The following RAPGEFL1 variants were observed in gnomAD, a reference collection of about 807,000 sequenced individuals.
The protein encoded by RAPGEFL1 is rap guanine nucleotide exchange factor-like 1.
Under a neutral mutation model 64.4 loss-of-function variants are expected in RAPGEFL1, and 31 were observed. That is an observed-to-expected ratio of 0.48 (90% confidence interval 0.36 to 0.65). The LOEUF (loss-of-function observed/expected upper bound fraction) is 0.65. Among genes scored for constraint, RAPGEFL1 ranks in the 30% least tolerant of loss-of-function variants. The pLI is 0.00. For synonymous variants in RAPGEFL1, 331 were observed against 274.1 expected (o/e 1.21, Z -2.05); for missense variants, 682 against 677.4 (o/e 1.01, Z -0.08).
chr17:40,181,591 C>T (rs779096234), intron 1 of RAPGEFL1, 25 bp from the exon 2 acceptor site: 124 of 702,370 alleles, frequency 1.8e-4, no homozygotes, highest in Non-Finnish European at 2.5e-4. Flanking sequence ...CACCTGACAT[C>T]TGTGGTGCCC....
Position 40,178,204 on chromosome 17 carries a change from G to A in RAPGEFL1, c.343G>A (p.Gly115Arg), listed in dbSNP as rs771089760. ...GGAGGTGCCGGGGCCCGGGCCTCTC[G>A]GGGGAGGGGGGCCCCTGCGCTCCCC... ...LEEVPGPGPLGGGGPLRSPSS... is the reference protein window; with the variant it reads ...LEEVPGPGPLRGGGPLRSPSS... The change falls in exon 1 of 15, where the codon GGG (glycine) becomes AGG (arginine). Residue 115 changes from glycine (G) to arginine (R), a missense_variant. Physicochemically the swap from Gly to Arg is moderately radical, Grantham distance 125. Coordinates refer to ENST00000620260, the MANE Select transcript of RAPGEFL1 (RefSeq NM_016339.6). 117 of 560,718 alleles carry A rather than the reference G, an allele frequency of 2.1e-4. 3 individuals carry two copies. The highest frequency in any genetic ancestry group is 1.2e-3 in the South Asian group (63 of 50,488). 34.7% of individuals were successfully genotyped at this position (560,718 alleles called of 1,614,324 possible).
rs1171067200 is a variant in RAPGEFL1 at position 40,193,375 on chromosome 17, G to A, written c.1822G>A (p.Glu608Lys). The change falls in exon 14 of 15, where the codon GAA becomes AAA. Residue 608 changes from glutamate to lysine, a missense_variant. This residue lies in a region of RAPGEFL1 where 411 missense variants were observed against 519.4 expected (regional missense o/e 0.79). Coordinates refer to ENST00000620260, the MANE Select transcript of RAPGEFL1 (RefSeq NM_016339.6). ...TGTCATCTCCCAGCATTCAGTGGCC[G>A]AAAAAGTGAGGACAATCCGCAAATA... ...VNIEKLHSVAEKVRTIRKYRS... is the reference protein window; with the variant it reads ...VNIEKLHSVAKKVRTIRKYRS... The A allele has an allele frequency of 6.2e-6, 10 of 1,614,034 alleles. No individual in the cohort carries two copies. Among genetic ancestry groups the A allele is most frequent in the Admixed American group, 1.7e-5 (1 of 60,002 alleles).
intron 4 of RAPGEFL1, 59 bp downstream of exon 4, chr17:40,184,737 ACAGGG>A: frequency 9.5e-7 from 1 of 1,052,418 alleles, no homozygotes; most frequent in African/African-American, 1.6e-5. Flanking sequence ...TTCCTCTACT[ACAGGG>A]GCTGCCTCTG....
chr17:40,179,573 G>T (rs1000245370), intron 1 of RAPGEFL1, among the ~76,000 whole-genome samples: 1 of 151,162 alleles, frequency 6.6e-6, no homozygotes, highest in African/African-American at 2.4e-5. Context: ...TTCCCTAAAT[G>T]ATGATACTAT....
intron 2 of RAPGEFL1, among the ~76,000 whole-genome samples, chr17:40,183,447 TTCTC>T (rs140243936): frequency 0.066 from 10,089 of 152,040 alleles, 741 homozygotes; most frequent in African/African-American, 0.18. Flanking sequence ...CGAAACTCCT[TTCTC>T]TCTGGCCCCA....
At position 40,192,918 on chromosome 17, in the gene RAPGEFL1, T is replaced by C. The variant is rs1990327817; in HGVS notation, c.1745-8T>C. ...TTCCTCACATTGGATTCTCTCCACA[T>C]CCCCTAGACCTGACTTTCCTGCACG... is the stretch of plus-strand genomic sequence containing the variant. On this transcript the variant is annotated splice_polypyrimidine_tract_variant and splice_region_variant and intron_variant, in intron 12 of 14. Coordinates refer to ENST00000620260, the MANE Select transcript of RAPGEFL1 (RefSeq NM_016339.6). 4.3e-6 allele frequency: 7 copies of C among 1,609,484 alleles called. No individual in the cohort carries two copies. The highest frequency in any genetic ancestry group is 4.0e-5 in the African/African-American group (3 of 74,866).
intron 1 of RAPGEFL1, among the ~76,000 whole-genome samples, chr17:40,178,583 C>T (rs1456606864): frequency 6.6e-6 from 1 of 152,214 alleles, no homozygotes; most frequent in Non-Finnish European, 1.5e-5. Context: ...CTACAGCAGC[C>T]TCACCCTCGT....
Position 40,178,136 on chromosome 17 carries a change from C to A in RAPGEFL1, c.275C>A (p.Ala92Glu). ...GAAGGAGGAGAGCCGGCGGGGGTCG[C>A]GGAGGAGCCGGGCAGCGGGGGGCCC... ...EEEGGEPAGV[A>E]EEPGSGGPCW... Residue 92 changes from alanine to glutamate, a missense_variant, in exon 1 of 15, where the codon GCG (alanine) becomes GAG (glutamate). Ala to Glu is a moderately radical substitution (Grantham distance 107, BLOSUM62 -1). Transcript: ENST00000620260. 2 of 549,486 alleles carry A rather than the reference C, an allele frequency of 3.6e-6. No individual in the cohort carries two copies. The highest frequency in any genetic ancestry group is 6.4e-6 in the Non-Finnish European group (2 of 310,974). 34.0% of individuals were successfully genotyped at this position (549,486 alleles called of 1,614,324 possible).
At chr17:40,188,451 C>T (rs1990152086) in intron 4 of RAPGEFL1, 1 of 207,520 alleles carries the variant, frequency 4.8e-6, no homozygotes, top group Admixed American at 5.4e-5. Context: ...CAGCAAACAG[C>T]TGCTGACCTA....
At chr17:40,187,069 G>C (rs1369681804) in intron 4 of RAPGEFL1, among the ~76,000 whole-genome samples, 1 of 151,826 alleles carries the variant, frequency 6.6e-6, no homozygotes, top group African/African-American at 2.4e-5. Context: ...TGGCCTCCCA[G>C]AGTGTTGGGA....
Position 40,184,607 on chromosome 17 carries a change from C to G in RAPGEFL1, c.762C>G (p.Asp254Glu). The stretch of plus-strand genomic sequence containing the variant: ...ATCTATACCTGCTAATTATGAAGGA[C>G]GAGTCCCTTTACCAGGGCCTCCGAG... ...IKDLYLLIMK[D>E]ESLYQGLRED... is the part of the protein sequence containing the mutation. Residue 254 changes from aspartate to glutamate, a missense_variant, in exon 4 of 15, where the codon GAC becomes GAG. Physicochemically the swap from Asp to Glu is conservative, Grantham distance 45. Coordinates refer to ENST00000620260, the MANE Select transcript of RAPGEFL1 (RefSeq NM_016339.6). 6.4e-7 allele frequency: 1 copy of G among 1,574,476 alleles called. No homozygotes were observed. The highest frequency in any genetic ancestry group is 8.7e-7 in the Non-Finnish European group (1 of 1,150,284).
intron 4 of RAPGEFL1, among the ~76,000 whole-genome samples, chr17:40,186,446 C>T (rs1392274096): frequency 1.3e-5 from 2 of 148,918 alleles, no homozygotes; most frequent in Non-Finnish European, 3.0e-5. Context: ...CGGGCGCCTG[C>T]AGTCCCAGCT....
In RAPGEFL1 at chr17:40,191,147, T is replaced by A; in HGVS notation, c.1336-169T>A. 1 of 659,884 alleles carries A rather than the reference T, an allele frequency of 1.5e-6. No individual in the cohort carries two copies. The highest frequency in any genetic ancestry group is 2.5e-6 in the Non-Finnish European group (1 of 400,774). 40.9% of individuals were successfully genotyped at this position (659,884 alleles called of 1,614,324 possible). ...TGAAATATTATTAATGCTGGTTGTT[T>A]TCTTTTTCCGCATCTTTGCCGCCTC... On this transcript the variant is annotated intron_variant, in intron 8 of 14. Transcript: ENST00000620260. This position sits in a 1 kb window ranked among gnomAD's most constrained non-coding sequence, Gnocchi z 5.1.
At position 40,190,633 on chromosome 17, in the gene RAPGEFL1, C is replaced by CCA; in HGVS notation, c.1213-5_1213-4dup. 2 of 1,614,024 alleles carry CCA rather than the reference C, an allele frequency of 1.2e-6. No homozygotes were observed. The highest frequency in any genetic ancestry group is 1.7e-6 in the Non-Finnish European group (2 of 1,179,936). Reference sequence around the variant, plus strand: ...AGCCCAGCCCCTATGCCCCTGCCTGCCACCAGGTGCCCCTCCCCGAGGAGA... The same window carrying CCA: ...AGCCCAGCCCCTATGCCCCTGCCTGCCACACCAGGTGCCCCTCCCCGAGGAGA... On this transcript the variant is annotated splice_region_variant and splice_polypyrimidine_tract_variant and intron_variant, in intron 7 of 14. Transcript: ENST00000620260.
intron 2 of RAPGEFL1, among the ~76,000 whole-genome samples, chr17:40,182,031 C>T (rs746872973): frequency 2.0e-5 from 3 of 151,508 alleles, no homozygotes; most frequent in Non-Finnish European, 2.9e-5. Context: ...TGCAGTGAGC[C>T]GAGATCGCGT....
At chr17:40,181,751 C>T in intron 2 of RAPGEFL1, 57 bp downstream of exon 2, 1 of 697,096 alleles carries the variant, frequency 1.4e-6, no homozygotes, top group Non-Finnish European at 2.6e-6. Context: ...CTCCCTCCGT[C>T]CCACATGCAA....
chr17:40,187,877 T>C (rs554005734), intron 4 of RAPGEFL1, among the ~76,000 whole-genome samples: 129 of 150,038 alleles, frequency 8.6e-4, no homozygotes, highest in Non-Finnish European at 1.6e-3. Context: ...CCTCCCAAAG[T>C]GCTGAGATTA....
In RAPGEFL1 at chr17:40,195,306, C is replaced by G. The variant is rs1990423002; in HGVS notation, c.*1518C>G. 6.5e-6 allele frequency: 1 copy of G among 153,472 alleles called. No individual in the cohort carries two copies. Among genetic ancestry groups the G allele is most frequent in the East Asian group, 1.9e-4 (1 of 5,244 alleles). The allele number at this position is 153,472 out of a possible 1,614,324, so 9.5% of individuals were successfully genotyped here. Reference sequence around the variant, plus strand: ...TAGGAGGTGCTGTGTCCCATGCCCTCTTGCCCTGACAGTGTCCCATGGGCC... The same window carrying G: ...TAGGAGGTGCTGTGTCCCATGCCCTGTTGCCCTGACAGTGTCCCATGGGCC... On this transcript the variant is annotated 3_prime_UTR_variant, in exon 15 of 15. Transcript: ENST00000620260.
chr17:40,194,289 GTCT>G lies in RAPGEFL1; in HGVS notation c.*506_*508del, dbSNP rs796907193. 7.4e-6 allele frequency: 1 copy of G among 135,572 alleles called. No homozygotes were observed. Among genetic ancestry groups the G allele is most frequent in the Non-Finnish European group, 1.5e-5 (1 of 67,680 alleles). The allele number at this position is 135,572 out of a possible 1,614,324, so 8.4% of individuals were successfully genotyped here. ...TGTGTGTGTGTGTGTGTGTGTGTGTGTCTTCTTTTAGGGAGCAGGAGTGCATCT... is the reference window on the plus strand; with the variant it reads ...TGTGTGTGTGTGTGTGTGTGTGTGTGTCTTTTAGGGAGCAGGAGTGCATCT... On this transcript the variant is annotated 3_prime_UTR_variant, in exon 15 of 15. Transcript: ENST00000620260.
Sources: gnomAD v4.1 joint callset for allele counts (sites outside exome capture counted in the v4.1 genomes callset) on GRCh38, gnomAD v4.1.1 for gene constraint, gnomAD v4.1.1 regional missense constraint, Gnocchi (gnomAD v3.1) non-coding constraint, MANE v1.5 for transcripts, NCBI Gene and HGNC (gene_info 2026-07-23, HGNC 2026-07-21) for gene names.